NALF1: variants seen among roughly 807,000 people sequenced by gnomAD.
The protein encoded by NALF1 is family with sequence similarity 155 member A.
NALF1 carries 3 observed loss-of-function variants against 48.4 expected under a neutral mutation model. The ratio of observed to expected loss-of-function variants is 0.06; its 90% CI spans 0.03 to 0.16. NALF1 has a LOEUF of 0.16. Ranked by LOEUF, NALF1 falls within the 10% of genes least tolerant of loss-of-function variation. The pLI is 1.00. For missense variants in NALF1, 526 were observed against 571.5 expected (o/e 0.92, Z 0.81); for synonymous variants, 262 against 245.7 (o/e 1.07, Z -0.62).
chr13:107,683,418 T>C (rs1881353222), intron 1 of NALF1, among the ~76,000 whole-genome samples: 2 of 152,222 alleles, frequency 1.3e-5, no homozygotes, highest in African/African-American at 2.4e-5. Flanking sequence ...TATCTGCCTA[T>C]ATGTAGTCAA....
chr13:107,764,525 G>A (rs1877369429), intron 1 of NALF1, among the ~76,000 whole-genome samples: 1 of 152,102 alleles, frequency 6.6e-6, no homozygotes, highest in Non-Finnish European at 1.5e-5. Context: ...GTATTCTAAT[G>A]AAGGGACTTT....
intron 1 of NALF1, among the ~76,000 whole-genome samples, chr13:107,666,509 T>C (rs9520541): frequency 0.97 from 147,695 of 152,200 alleles, 71,780 homozygotes; most frequent in Non-Finnish European, 1. Context: ...GCCACCGTTT[T>C]GGCACCCACG....
Position 107,293,534 on chromosome 13 carries a change from C to A in NALF1, c.916-82779G>T, listed in dbSNP as rs375068071. Among the ~76,000 whole-genome samples the A allele has an allele frequency of 2.0e-5, 3 of 152,286 alleles. No individual in the cohort carries two copies. The East Asian group carries it at 5.8e-4, about 29-fold the overall frequency. On this transcript the variant is annotated intron_variant, in intron 1 of 2. Coordinates refer to ENST00000375915, the MANE Select transcript of NALF1 (RefSeq NM_001080396.3). The stretch of plus-strand genomic sequence containing the variant: ...GGATTTGCCTGATCTCCAGCATAGA[C>A]ACTAACAAAAGGCTTCCCAGAAGAA...
intron 1 of NALF1, among the ~76,000 whole-genome samples, chr13:107,506,518 G>A (rs1344000487): frequency 5.3e-5 from 8 of 151,972 alleles, no homozygotes; most frequent in Non-Finnish European, 1.2e-4. Flanking sequence ...GAACATTCTT[G>A]TTACCCTTAA....
chr13:107,362,453 C>T lies in NALF1; in HGVS notation c.916-151698G>A, dbSNP rs190837456. On this transcript the variant is annotated intron_variant, in intron 1 of 2. Coordinates refer to ENST00000375915, the MANE Select transcript of NALF1 (RefSeq NM_001080396.3). This position sits in a 1 kb window ranked among gnomAD's most constrained non-coding sequence, Gnocchi z 4.6. ...CCTGACTTTGGAGGTATCAGGCAAT[C>T]GGTGACATCTCTTGATTTGCAGCTG... is the stretch of plus-strand genomic sequence containing the variant. Among the ~76,000 whole-genome samples, 160 of 152,160 alleles carry T rather than the reference C, an allele frequency of 1.1e-3. 1 individual carries two copies. The highest frequency in any genetic ancestry group is 3.8e-4 in the Non-Finnish European group (26 of 68,008).
intron 1 of NALF1, among the ~76,000 whole-genome samples, chr13:107,524,923 C>G (rs1468423364): frequency 6.6e-6 from 1 of 151,910 alleles, no homozygotes; most frequent in Non-Finnish European, 1.5e-5. Flanking sequence ...CTCAGTATAA[C>G]AGCTGAGGAA....
chr13:107,573,413 T>C (rs1290680637), intron 1 of NALF1, among the ~76,000 whole-genome samples: 1 of 152,080 alleles, frequency 6.6e-6, no homozygotes, highest in Non-Finnish European at 1.5e-5. Context: ...TGGCACATAA[T>C]TGATGACTGG....
At chr13:107,406,936 T>C (rs967320039) in intron 1 of NALF1, among the ~76,000 whole-genome samples, 2 of 151,692 alleles carry the variant, frequency 1.3e-5, no homozygotes, top group Middle Eastern at 3.2e-3. Context: ...ATCAGTGAAA[T>C]AGAATAGTGA....
intron 1 of NALF1, among the ~76,000 whole-genome samples, chr13:107,440,254 G>C (rs1443665884): frequency 1.3e-5 from 2 of 152,182 alleles, no homozygotes; most frequent in Admixed American, 1.3e-4. Flanking sequence ...ACTTATCTGA[G>C]TTGAGGAAAG....
intron 1 of NALF1, among the ~76,000 whole-genome samples, chr13:107,367,374 G>C (rs1348933334): frequency 1.3e-5 from 2 of 152,162 alleles, no homozygotes; most frequent in Non-Finnish European, 2.9e-5. Flanking sequence ...GCCTCAATTA[G>C]ACTGACCTGA....
chr13:107,430,607 T>G (rs1031307215), intron 1 of NALF1, among the ~76,000 whole-genome samples: 4 of 152,216 alleles, frequency 2.6e-5, no homozygotes, highest in Non-Finnish European at 5.9e-5. Flanking sequence ...GCTTCATCCA[T>G]GTACCTACAA....
intron 1 of NALF1, among the ~76,000 whole-genome samples, chr13:107,445,490 G>C (rs1376070133): frequency 6.6e-6 from 1 of 152,158 alleles, no homozygotes; most frequent in Non-Finnish European, 1.5e-5. Flanking sequence ...GGTTGTTCCA[G>C]TTTTGGGCTA....
chr13:107,497,171 A>T (rs1875364949), intron 1 of NALF1, among the ~76,000 whole-genome samples: 1 of 152,200 alleles, frequency 6.6e-6, no homozygotes. Flanking sequence ...ATCCAATAAA[A>T]GGTTTAACAA....
intron 1 of NALF1, among the ~76,000 whole-genome samples, chr13:107,826,864 G>T (rs768859909): frequency 6.6e-6 from 1 of 152,176 alleles, no homozygotes; most frequent in South Asian, 2.1e-4. Flanking sequence ...TGGCCTCAAA[G>T]GACTGCTGGG....
intron 1 of NALF1, among the ~76,000 whole-genome samples, chr13:107,477,601 CA>C (rs1194490275): frequency 6.6e-6 from 1 of 152,162 alleles, no homozygotes; most frequent in Admixed American, 6.6e-5. Context: ...TTTGCTTGAT[CA>C]ACAGGTTACT....
intron 1 of NALF1, among the ~76,000 whole-genome samples, chr13:107,662,688 C>CA (rs1187407657): frequency 6.6e-6 from 1 of 151,598 alleles, no homozygotes; most frequent in Non-Finnish European, 1.5e-5. Flanking sequence ...TTTAAAGATT[C>CA]AAAAAACAAA....
At chr13:107,583,107 T>C (rs898656540) in intron 1 of NALF1, among the ~76,000 whole-genome samples, 3 of 152,114 alleles carry the variant, frequency 2.0e-5, no homozygotes, top group African/African-American at 7.2e-5. Context: ...TACAATTTCC[T>C]CCCTCTTTTC....
At chr13:107,300,353 T>A (rs939126363) in intron 1 of NALF1, among the ~76,000 whole-genome samples, 1 of 152,214 alleles carries the variant, frequency 6.6e-6, no homozygotes, top group Non-Finnish European at 1.5e-5. Flanking sequence ...GATATGAATA[T>A]ATTCCCTGCA....
At chr13:107,476,413 T>G (rs1279196868) in intron 1 of NALF1, among the ~76,000 whole-genome samples, 1 of 152,158 alleles carries the variant, frequency 6.6e-6, no homozygotes, top group Non-Finnish European at 1.5e-5. Flanking sequence ...TCATGTGTAA[T>G]GTATAAGAAA....
Sources: gnomAD v4.1 joint callset for allele counts (sites outside exome capture counted in the v4.1 genomes callset) on GRCh38, gnomAD v4.1.1 for gene constraint, Gnocchi (gnomAD v3.1) non-coding constraint, MANE v1.5 for transcripts, NCBI Gene and HGNC (gene_info 2026-07-23, HGNC 2026-07-21) for gene names.